ANO7: variants seen among roughly 807,000 people sequenced by gnomAD.
The protein encoded by ANO7 is anoctamin 7.
ANO7 carries 114 observed loss-of-function variants against 115.8 expected under a neutral mutation model. The observed-to-expected ratio is 0.98, with a 90% confidence interval of 0.85 to 1.15. The LOEUF (loss-of-function observed/expected upper bound fraction) is 1.15, where lower values mean the gene tolerates loss of function less well. Ranked by LOEUF, ANO7 falls within the 50% of genes most tolerant of loss-of-function variation. ANO7 has a pLI of 0.00. For synonymous variants in ANO7, 550 were observed against 498.2 expected (o/e 1.10, Z -1.38); for missense variants, 1,302 against 1,201.2 (o/e 1.08, Z -1.24).
the ANO7 span, chr2:241,235,775 T>C: frequency 5.2e-6 from 3 of 575,996 alleles, no homozygotes; most frequent in Non-Finnish European, 9.3e-6. Context: ...AGATTTGCAT[T>C]AGGCTAATGC....
chr2:241,190,122 C>G lies in ANO7; in HGVS notation c.59C>G (p.Pro20Arg). 6.3e-7 allele frequency: 1 copy of G among 1,580,752 alleles called. No homozygotes were observed. The highest frequency in any genetic ancestry group is 8.6e-7 in the Non-Finnish European group (1 of 1,163,628). Residue 20 changes from proline to arginine, a missense_variant, in exon 2 of 25, where the codon CCT (proline) becomes CGT (arginine). Pro to Arg is a moderately radical substitution (Grantham distance 103). Transcript: ENST00000674324. ...ACCGTCCTGATCGATGTGAGCCCCC[C>G]TGAGGCAGAGAAGAGGGGCTCTTAC... ...DSTVLIDVSP[P>R]EAEKRGSYGS...
At chr2:241,213,266 A>G (rs1048202582) in intron 17 of ANO7, among the ~76,000 whole-genome samples, 4 of 150,040 alleles carry the variant, frequency 2.7e-5, no homozygotes, top group Admixed American at 2.6e-4. Context: ...GCCTCCTCAC[A>G]GGCTTGGCGT....
the ANO7 span, chr2:241,240,094 C>T: frequency 1.2e-3 from 1,925 of 1,614,160 alleles, 16 homozygotes; most frequent in African/African-American, 0.022. The surrounding 1 kb of genome is among the most constrained non-coding windows in gnomAD (Gnocchi z 5.5). Context: ...TGGCTTGGCG[C>T]GGATGTCAAC....
intron 9 of ANO7, among the ~76,000 whole-genome samples, chr2:241,204,548 G>A (rs924082468): frequency 7.9e-5 from 12 of 152,132 alleles, no homozygotes; most frequent in African/African-American, 1.7e-4. Flanking sequence ...TGTCCGTCCC[G>A]GGCAGGTTGG....
intron 13 of ANO7, 88 bp downstream of exon 13, chr2:241,209,723 G>A (rs571724512): frequency 3.4e-6 from 5 of 1,469,912 alleles, no homozygotes; most frequent in Admixed American, 2.4e-5. Context: ...TTGGTGCCGT[G>A]GCCAGATGCC....
Position 241,200,097 on chromosome 2 carries a change from C to T in ANO7, c.426C>T (p.Pro142=), listed in dbSNP as rs772062786. Residue 142 remains proline, a synonymous_variant, in exon 6 of 25, where the codon CCC becomes CCT. Coordinates refer to ENST00000674324, the MANE Select transcript of ANO7 (RefSeq NM_001370694.2). ...LRLKLPLQEL[P]NQASNWSAGL... ...CTGACGTTTCCTTCCAGGAGTTACCCAACCAGGCCTCCAACTGGTCGGCCG... is the reference window on the plus strand; with the variant it reads ...CTGACGTTTCCTTCCAGGAGTTACCTAACCAGGCCTCCAACTGGTCGGCCG... The T allele has an allele frequency of 6.2e-6, 10 of 1,612,386 alleles. No homozygotes were observed. Among genetic ancestry groups the T allele is most frequent in the Non-Finnish European group, 7.6e-6 (9 of 1,179,966 alleles).
intron 23 of ANO7, 44 bp downstream of exon 23, chr2:241,223,825 CCTATCCTTGTCAGTGGCTGCT>C (rs1450498290): frequency 6.2e-7 from 1 of 1,614,192 alleles, no homozygotes; most frequent in East Asian, 2.2e-5. Flanking sequence ...CAGCCCTCTC[CCTATCCTTGTCAGTGGCTGCT>C]CTACCTCCGG....
At chr2:241,214,736 G>C (rs1352789229) in intron 17 of ANO7, 69 bp from the exon 18 acceptor site, 2 of 1,459,124 alleles carry the variant, frequency 1.4e-6, no homozygotes, top group Non-Finnish European at 1.9e-6. Context: ...CCAGCTTTGA[G>C]ACAAGAAGGG....
chr2:241,229,427 C>A, downstream of ANO7: 12 of 570,918 alleles, frequency 2.1e-5, no homozygotes. Context: ...CACGGCCAGG[C>A]CTGGAGGAGC....
rs760124875 is a variant in ANO7 at position 241,210,375 on chromosome 2, C to T, written c.1440C>T (p.Asn480=). The T allele has an allele frequency of 3.7e-6, 6 of 1,614,100 alleles. No individual in the cohort carries two copies. The highest frequency in any genetic ancestry group is 5.1e-6 in the Non-Finnish European group (6 of 1,180,006). Residue 480 remains asparagine, a synonymous_variant, in exon 14 of 25, where the codon AAC becomes AAT. Transcript: ENST00000674324. The part of the protein sequence containing the change: ...IMAIVVSRSG[N]TLLAAWASRI... ...CCATCGTGGTGTCCAGGTCGGGCAACACCCTTCTCGCAGCCTGGGTGAGCC... is the reference window on the plus strand; with the variant it reads ...CCATCGTGGTGTCCAGGTCGGGCAATACCCTTCTCGCAGCCTGGGTGAGCC...
At chr2:241,207,698 G>A (rs369603792) in intron 11 of ANO7, 28 bp downstream of exon 11, 4 of 1,605,452 alleles carry the variant, frequency 2.5e-6, no homozygotes, top group Non-Finnish European at 3.4e-6. Context: ...TGGGGTAAGG[G>A]ATTTGAGAGT....
chr2:241,211,243 C>T (rs2068713147), intron 15 of ANO7, among the ~76,000 whole-genome samples: 2 of 152,224 alleles, frequency 1.3e-5, no homozygotes, highest in African/African-American at 4.8e-5. Context: ...GATAGGGCCG[C>T]TGAGCCTCTG....
rs1381845912 is a variant in ANO7 at position 241,190,074 on chromosome 2, G to A, written c.11G>A (p.Arg4Gln). The change falls in exon 2 of 25, where the codon CGA (arginine) becomes CAA (glutamine). Residue 4 changes from arginine (R) to glutamine (Q), a missense_variant. Physicochemically the swap from Arg to Gln is conservative, Grantham distance 43. Transcript: ENST00000674324. MLRRRAQEEDSTVL... is the reference protein window; with the variant it reads MLRQRAQEEDSTVL... ...GGGTGCAGGAGCAGGATGCTGCGGC[G>A]ACGGGCCCAGGAAGAGGACAGCACC... 1.6e-5 allele frequency: 26 copies of A among 1,576,948 alleles called. No homozygotes were observed. Among genetic ancestry groups the A allele is most frequent in the South Asian group, 1.4e-4 (12 of 85,818 alleles).
Position 241,223,197 on chromosome 2 carries a change from T to G in ANO7, c.2333T>G (p.Phe778Cys). ...TGTGTCTGCTGCAGGTATCGGGCTT[T>G]CCGGGATGACGATGGACATTATTCC... ...AHNRTCRYRAFRDDDGHYSQT... is the reference protein window; with the variant it reads ...AHNRTCRYRACRDDDGHYSQT... Residue 778 changes from phenylalanine to cysteine, a missense_variant, in exon 22 of 25, where the codon TTC becomes TGC. Coordinates refer to ENST00000674324, the MANE Select transcript of ANO7 (RefSeq NM_001370694.2). 1 of 1,614,188 alleles carries G rather than the reference T, an allele frequency of 6.2e-7. No homozygotes were observed. The highest frequency in any genetic ancestry group is 8.5e-7 in the Non-Finnish European group (1 of 1,179,988).
chr2:241,195,703 C>A lies in ANO7; in HGVS notation c.167C>A (p.Ala56Glu). ...TGCCTCTGTCCCTGTTGGCTCCCAG[C>A]AGACTTCGTCCTCGTTTGGGAGGAG... ...RAGSPAKPRIADFVLVWEEDL... is the reference protein window; with the variant it reads ...RAGSPAKPRIEDFVLVWEEDL... Residue 56 changes from alanine to glutamate, a missense_variant and splice_region_variant, in exon 4 of 25, where the codon GCA becomes GAA. By Grantham distance (107) the Ala-to-Glu change is moderately radical. Transcript: ENST00000674324. 1.2e-6 allele frequency: 2 copies of A among 1,613,938 alleles called. No individual in the cohort carries two copies. The highest frequency in any genetic ancestry group is 2.2e-5 in the South Asian group (2 of 91,044).
intron 5 of ANO7, 57 bp downstream of exon 5, chr2:241,199,480 C>T (rs915449825): frequency 5.1e-6 from 8 of 1,558,450 alleles, no homozygotes; most frequent in Admixed American, 1.7e-5. Flanking sequence ...CCACACACTG[C>T]GTTCAGCTGC....
At chr2:241,194,220 C>T (rs965132133) in intron 3 of ANO7, among the ~76,000 whole-genome samples, 2 of 144,502 alleles carry the variant, frequency 1.4e-5, no homozygotes, top group African/African-American at 5.1e-5. Context: ...TGAGATCTTG[C>T]ACATCTTTTA....
chr2:241,236,524 C>T, the ANO7 span: 6 of 1,348,526 alleles, frequency 4.4e-6, 1 homozygote, highest in South Asian at 3.9e-5. Context: ...GCCGCTTGGG[C>T]AACCGTCCAT....
chr2:241,218,193 A>AGGGGCGGAGCGGGGGCGCGCC, intron 20 of ANO7, 46 bp from the exon 21 acceptor site: 1 of 930,608 alleles, frequency 1.1e-6, no homozygotes, highest in Non-Finnish European at 1.4e-6. Context: ...GGGGGCGCGC[A>AGGGGCGGAGCGGGGGCGCGCC]GGGGCGGAGC....
Sources: allele counts gnomAD v4.1 joint callset (sites outside exome capture counted in the v4.1 genomes callset), GRCh38; gene constraint gnomAD v4.1.1; non-coding constraint Gnocchi (gnomAD v3.1); transcripts MANE v1.5; gene names NCBI Gene and HGNC (gene_info 2026-07-23, HGNC 2026-07-21).